Variants in RPS6KA3 observed in about 807,000 individuals in gnomAD.
The protein encoded by RPS6KA3 is ribosomal protein S6 kinase alpha-3.
Under a neutral mutation model 67.2 loss-of-function variants are expected in RPS6KA3, and 4 were observed. The observed-to-expected ratio is 0.06, with a 90% CI of 0.03 to 0.14. The LOEUF is 0.14. RPS6KA3 is among the 10% of genes least tolerant of loss of function. The pLI is 1.00. For synonymous variants in RPS6KA3, 182 were observed against 183.7 expected (o/e 0.99, Z 0.07); for missense variants, 204 against 559.0 (o/e 0.36, Z 6.40).
At chrX:20,194,876 AC>A (rs1343671878) in intron 5 of RPS6KA3, among the ~76,000 whole-genome samples, 188 bp downstream of exon 5, 2 of 111,638 alleles carry the variant, frequency 1.8e-5, no homozygotes, top group African/African-American at 3.2e-5. Context: ...TTTAAAAAAA[AC>A]ATAAACTAAA....
At chrX:20,245,038 A>G (rs1312804539) in intron 1 of RPS6KA3, among the ~76,000 whole-genome samples, 1 of 112,156 alleles carries the variant, frequency 8.9e-6, no homozygotes, top group African/African-American at 3.2e-5. Context: ...AAACTGGTGT[A>G]TCCTTGGAAA....
intron 7 of RPS6KA3, among the ~76,000 whole-genome samples, chrX:20,192,305 T>C: frequency 9.1e-6 from 1 of 110,393 alleles, no homozygotes; most frequent in Non-Finnish European, 1.9e-5. Flanking sequence ...AATTTGAAAT[T>C]ACATGGAGAA....
intron 10 of RPS6KA3, among the ~76,000 whole-genome samples, chrX:20,184,952 A>AT (rs200629706): frequency 2.1e-4 from 23 of 107,073 alleles, no homozygotes; most frequent in South Asian, 7.9e-4. Flanking sequence ...TGAAAATTCC[A>AT]TTTTTTTTTT....
intron 10 of RPS6KA3, among the ~76,000 whole-genome samples, chrX:20,178,636 C>CTTTTTTTT (rs757383642): frequency 2.8e-4 from 11 of 39,445 alleles, no homozygotes; most frequent in Admixed American, 7.6e-4. Context: ...CCACACCTGG[C>CTTTTTTTT]TTTTTTTTTT....
At chrX:20,237,130 C>T (rs1385629162) in intron 1 of RPS6KA3, among the ~76,000 whole-genome samples, 1 of 111,632 alleles carries the variant, frequency 9.0e-6, no homozygotes, top group Non-Finnish European at 1.9e-5. Context: ...ACTTAGTAAA[C>T]AATCAATGTC....
chrX:20,254,890 A>T (rs762275398), intron 1 of RPS6KA3, among the ~76,000 whole-genome samples: 2 of 112,172 alleles, frequency 1.8e-5, no homozygotes, highest in African/African-American at 3.2e-5. Context: ...GCTGATGGGA[A>T]TGTAAAATGG....
At chrX:20,189,691 G>A (rs1160826607) in intron 7 of RPS6KA3, among the ~76,000 whole-genome samples, 1 of 112,017 alleles carries the variant, frequency 8.9e-6, no homozygotes, top group Non-Finnish European at 1.9e-5. Flanking sequence ...GATAGGTATG[G>A]GATCAAGCAA....
chrX:20,164,646 A>C (rs1569193633), intron 18 of RPS6KA3, among the ~76,000 whole-genome samples: 1 of 110,484 alleles, frequency 9.1e-6, no homozygotes, highest in Non-Finnish European at 1.9e-5. Context: ...TGGCCTCCCA[A>C]AGTGCTCGGA....
chrX:20,251,344 G>T (rs1383569046), intron 1 of RPS6KA3, among the ~76,000 whole-genome samples: 2 of 112,482 alleles, frequency 1.8e-5, no homozygotes, highest in Non-Finnish European at 3.8e-5. Flanking sequence ...GTCTTGCCAT[G>T]TTGCCCAAGC....
chrX:20,165,797 T>C lies in RPS6KA3; in HGVS notation c.1603-737A>G, dbSNP rs1349002582. Reference sequence around the variant, plus strand: ...AGGTGTTACACATGCAAGAAACCTCTTCTTTAGAGTTCTGTATTATTTTCC... The same window carrying C: ...AGGTGTTACACATGCAAGAAACCTCCTCTTTAGAGTTCTGTATTATTTTCC... On this transcript the variant is annotated intron_variant, in intron 17 of 21. Transcript: ENST00000379565. 8.9e-5 allele frequency among the ~76,000 whole-genome samples: 10 copies of C among 111,819 alleles called. No individual in the cohort carries two copies. The Admixed American group carries it at 9.5e-4, about 11-fold the overall frequency.
At chrX:20,156,007 G>C (rs1314153645) in intron 21 of RPS6KA3, 102 bp downstream of exon 21, 1 of 890,138 alleles carries the variant, frequency 1.1e-6, no homozygotes, top group South Asian at 2.0e-5. Context: ...CAACAGAACT[G>C]GATGCAGGAT....
intron 1 of RPS6KA3, chrX:20,265,932 G>A: frequency 9.0e-6 from 1 of 110,699 alleles, no homozygotes; most frequent in Non-Finnish European, 1.9e-5. Flanking sequence ...CAGGGACGGG[G>A]GTCTAGCTCT....
At chrX:20,185,738 GT>G (rs2067965280) in intron 10 of RPS6KA3, among the ~76,000 whole-genome samples, 2 of 111,573 alleles carry the variant, frequency 1.8e-5, no homozygotes, top group East Asian at 5.6e-4. Flanking sequence ...GTGGACAGAA[GT>G]GAAATAATGG....
intron 1 of RPS6KA3, among the ~76,000 whole-genome samples, chrX:20,257,019 C>T (rs1297367238): frequency 3.6e-5 from 4 of 112,354 alleles, no homozygotes; most frequent in African/African-American, 1.3e-4. Context: ...AATTTGCAAT[C>T]TGTGAGACTT....
At position 20,152,992 on chromosome X, in the gene RPS6KA3, T is replaced by C. The variant is rs1294015788; in HGVS notation, c.*2406A>G. The C allele has an allele frequency of 2.7e-5, 3 of 111,715 alleles. No homozygotes were observed. The highest frequency in any genetic ancestry group is 9.5e-5 in the Admixed American group (1 of 10,518). The allele number at this position is 111,715 out of a possible 1,213,427, so 9.2% of individuals were successfully genotyped here. A position where few individuals can be genotyped will look rare whatever the true frequency, so the allele number is the denominator to read the frequency against. ...AAGTTAAGGATTCTAGACTTTGATA[T>C]GTGTCTCAGGTTCTCTACATGCAAT... On this transcript the variant is annotated 3_prime_UTR_variant, in exon 22 of 22. Transcript: ENST00000379565.
chrX:20,186,430 T>TAAA, intron 9 of RPS6KA3, 64 bp from the exon 10 acceptor site: 5 of 558,583 alleles, frequency 9.0e-6, no homozygotes, highest in Non-Finnish European at 1.5e-5. Flanking sequence ...GGCCAGAAGG[T>TAAA]AAAAAAAAAA....
chrX:20,219,054 C>T, intron 2 of RPS6KA3: 1 of 363,507 alleles, frequency 2.8e-6, no homozygotes, highest in Non-Finnish European at 4.9e-6. Context: ...ACTAATGTAG[C>T]TGGATAGGTA....
intron 1 of RPS6KA3, among the ~76,000 whole-genome samples, chrX:20,248,631 C>G (rs1166448484): frequency 9.0e-6 from 1 of 111,593 alleles, no homozygotes; most frequent in Non-Finnish European, 1.9e-5. Context: ...TACAGGCGCC[C>G]TCCACCATGC....
upstream of RPS6KA3, chrX:20,267,059 C>T (rs2070418730): frequency 6.1e-5 from 46 of 753,106 alleles, no homozygotes; most frequent in Non-Finnish European, 7.0e-5. Flanking sequence ...AAGCGAGGCT[C>T]GGCCGCCGCC....
Sources: gnomAD v4.1 joint callset for allele counts (sites outside exome capture counted in the v4.1 genomes callset) on GRCh38, gnomAD v4.1.1 for gene constraint, MANE v1.5 for transcripts, NCBI Gene and HGNC (gene_info 2026-07-23, HGNC 2026-07-21) for gene names.